AGAP1: variants seen among roughly 807,000 people sequenced by gnomAD.
AGAP1 encodes arf-GAP with GTPase, ANK repeat and PH domain-containing protein 1.
In AGAP1, 29 loss-of-function variants were observed where a neutral mutation model predicts 105.3. That is an observed-to-expected ratio of 0.28 (90% CI 0.21 to 0.38). The LOEUF (loss-of-function observed/expected upper bound fraction) is 0.38, where lower values mean the gene tolerates loss of function less well. AGAP1 is among the 10% of genes least tolerant of loss of function. The pLI is 1.00. For missense variants in AGAP1, 998 were observed against 1,165.1 expected (o/e 0.86, Z 2.09); for synonymous variants, 509 against 485.9 (o/e 1.05, Z -0.63).
chr2:236,030,432 A>G (rs2125637101), intron 13 of AGAP1, among the ~76,000 whole-genome samples: 1 of 152,354 alleles, frequency 6.6e-6, no homozygotes, highest in East Asian at 1.9e-4. Context: ...CCTGTAGAGA[A>G]GATACCAGAA....
At chr2:235,884,239 C>T (rs2050162419) in intron 10 of AGAP1, among the ~76,000 whole-genome samples, 1 of 152,100 alleles carries the variant, frequency 6.6e-6, no homozygotes, top group South Asian at 2.1e-4. Context: ...ATTCTGGGAT[C>T]TGCCTTGTAT....
rs929177109 is a variant in AGAP1 at position 235,665,073 on chromosome 2, A to C, written c.164-44106A>C. Among the ~76,000 whole-genome samples the C allele has an allele frequency of 6.6e-6, 1 of 152,160 alleles. No individual in the cohort carries two copies. Among genetic ancestry groups the C allele is most frequent in the African/African-American group, 2.4e-5 (1 of 41,430 alleles). On this transcript the variant is annotated intron_variant, in intron 1 of 17. Coordinates refer to ENST00000304032, the MANE Select transcript of AGAP1 (RefSeq NM_001037131.3). The surrounding 1 kb of genome is among the most constrained non-coding windows in gnomAD (Gnocchi z 5.3). ...CTCCTCTCTACAAAAAAATTTAAAA[A>C]TTAGCCAGGGGTGGTGACATGTGCC...
intron 3 of AGAP1, 32 bp downstream of exon 3, chr2:235,717,676 A>G (rs530514796): frequency 6.4e-7 from 1 of 1,568,838 alleles, no homozygotes; most frequent in Admixed American, 2.0e-5. Flanking sequence ...TGCAAACTTA[A>G]GAATGTAGTT....
chr2:235,689,942 TTTG>T lies in AGAP1; in HGVS notation c.164-19234_164-19232del, dbSNP rs1453788591. Among the ~76,000 whole-genome samples, 7 of 152,206 alleles carry T rather than the reference TTTG, an allele frequency of 4.6e-5. No homozygotes were observed. Among genetic ancestry groups the T allele is most frequent in the Admixed American group, 2.0e-4 (3 of 15,278 alleles). ...GGTATTTTTTTTTTTAAATACTGCT[TTTG>T]TTTATTTTCCCTGGTCTAATTTTTT... On this transcript the variant is annotated intron_variant, in intron 1 of 17. Transcript: ENST00000304032. The surrounding 1 kb of genome is among the most constrained non-coding windows in gnomAD (Gnocchi z 4.2).
chr2:235,813,111 T>C (rs150714911), intron 9 of AGAP1, among the ~76,000 whole-genome samples: 308 of 152,292 alleles, frequency 2.0e-3, no homozygotes, highest in African/African-American at 7.0e-3. Context: ...GTCCAGAATA[T>C]CTGGAGGCCT....
At position 235,855,719 on chromosome 2, in the gene AGAP1, T is replaced by A. The variant is rs2048659721; in HGVS notation, c.1051-27626T>A. Among the ~76,000 whole-genome samples the A allele has an allele frequency of 6.6e-6, 1 of 151,978 alleles. No homozygotes were observed. The highest frequency in any genetic ancestry group is 1.5e-5 in the Non-Finnish European group (1 of 67,990). The stretch of plus-strand genomic sequence containing the variant: ...CCACTGAATTCAAGTCAGAGGATAT[T>A]TGTTTGAATTGGAGACTGGGTGTTG... On this transcript the variant is annotated intron_variant, in intron 9 of 17. Coordinates refer to ENST00000304032, the MANE Select transcript of AGAP1 (RefSeq NM_001037131.3). The surrounding 1 kb of genome is among the most constrained non-coding windows in gnomAD (Gnocchi z 5.0).
At chr2:235,949,125 T>G (rs2053622370) in intron 12 of AGAP1, among the ~76,000 whole-genome samples, 1 of 152,188 alleles carries the variant, frequency 6.6e-6, no homozygotes, top group Non-Finnish European at 1.5e-5. Flanking sequence ...ATGAGCAGAT[T>G]GGTTTTTGTA....
chr2:235,696,763 C>T (rs1373237436), intron 1 of AGAP1, among the ~76,000 whole-genome samples: 11 of 152,100 alleles, frequency 7.2e-5, no homozygotes, highest in African/African-American at 2.7e-4. Flanking sequence ...TCAGAATGAG[C>T]CCCGTCCCCA....
In AGAP1 at chr2:235,799,654, G is replaced by T. The variant is rs537320978; in HGVS notation, c.957+132G>T. 1.9e-5 allele frequency: 20 copies of T among 1,058,618 alleles called. No homozygotes were observed. Among genetic ancestry groups the T allele is most frequent in the Non-Finnish European group, 2.5e-5 (19 of 759,740 alleles). The allele number at this position is 1,058,618 out of a possible 1,614,324, so 65.6% of individuals were successfully genotyped here. ...ATTAAAGTGAATAACATTGATTTCT[G>T]TGGAGGACTAAGAAAATTAAGAGAA... On this transcript the variant is annotated intron_variant, in intron 8 of 17. Transcript: ENST00000304032. This position sits in a 1 kb window ranked among gnomAD's most constrained non-coding sequence, Gnocchi z 5.0.
rs1393876512 is a variant in AGAP1 at position 235,555,499 on chromosome 2, G to A, written c.163+60650G>A. Among the ~76,000 whole-genome samples the A allele has an allele frequency of 6.6e-6, 1 of 152,192 alleles. No homozygotes were observed. The highest frequency in any genetic ancestry group is 1.5e-5 in the Non-Finnish European group (1 of 68,036). On this transcript the variant is annotated intron_variant, in intron 1 of 17. Coordinates refer to ENST00000304032, the MANE Select transcript of AGAP1 (RefSeq NM_001037131.3). The surrounding 1 kb of genome is among the most constrained non-coding windows in gnomAD (Gnocchi z 5.1). The stretch of plus-strand genomic sequence containing the variant: ...CCAGGGCTGGACTGGGGCCGGCATG[G>A]GGGTCACTGGCTGCAAGCGAAGGCA...
chr2:235,497,709 C>G lies in AGAP1; in HGVS notation c.163+2860C>G, dbSNP rs184082027. On this transcript the variant is annotated intron_variant, in intron 1 of 17. Coordinates refer to ENST00000304032, the MANE Select transcript of AGAP1 (RefSeq NM_001037131.3). ...CCCCGGGTTCACGCCATTCTCCTGC[C>G]TCAGCCTCCCGAGTAGCTGGGACTA... Among the ~76,000 whole-genome samples the G allele has an allele frequency of 4.4e-3, 672 of 152,338 alleles. 4 individuals are homozygous for G. Among genetic ancestry groups the G allele is most frequent in the African/African-American group, 0.015 (623 of 41,586 alleles).
At chr2:236,068,004 G>T (rs1411310965) in intron 16 of AGAP1, among the ~76,000 whole-genome samples, 1 of 152,208 alleles carries the variant, frequency 6.6e-6, no homozygotes, top group Non-Finnish European at 1.5e-5. Flanking sequence ...GGGTGTGGTG[G>T]CTCACACCTG....
At chr2:235,499,539 T>C (rs1941474933) in intron 1 of AGAP1, among the ~76,000 whole-genome samples, 1 of 152,188 alleles carries the variant, frequency 6.6e-6, no homozygotes, top group South Asian at 2.1e-4. Flanking sequence ...TTTTAGTTGC[T>C]TCCAGGTGAG....
rs1188956451 is a variant in AGAP1, at chr2:235,855,909, CATT to C, written c.1051-27423_1051-27421del. Among the ~76,000 whole-genome samples the C allele has an allele frequency of 6.6e-6, 1 of 151,880 alleles. No individual in the cohort carries two copies. The highest frequency in any genetic ancestry group is 1.5e-5 in the Non-Finnish European group (1 of 68,004). On this transcript the variant is annotated intron_variant, in intron 9 of 17. Coordinates refer to ENST00000304032, the MANE Select transcript of AGAP1 (RefSeq NM_001037131.3). The surrounding 1 kb of genome is among the most constrained non-coding windows in gnomAD (Gnocchi z 5.0). ...GAAGTACTGAGAATATTATTATTAT[CATT>C]ATTATTATTATTTTCTTTTGAGATG... is the stretch of plus-strand genomic sequence containing the variant.
intron 1 of AGAP1, among the ~76,000 whole-genome samples, chr2:235,587,876 G>A (rs62189177): frequency 0.025 from 3,875 of 152,110 alleles, 121 homozygotes; most frequent in Admixed American, 0.071. Context: ...CTCCTTCCAC[G>A]CCTGCCCGGT....
chr2:235,749,037 G>A (rs537585814), intron 5 of AGAP1, among the ~76,000 whole-genome samples: 12 of 152,116 alleles, frequency 7.9e-5, no homozygotes, highest in African/African-American at 2.7e-4. Flanking sequence ...GTGAAACCCC[G>A]TGTCGACTAA....
intron 15 of AGAP1, among the ~76,000 whole-genome samples, chr2:236,043,441 T>C (rs2057617315): frequency 1.3e-5 from 2 of 152,194 alleles, no homozygotes; most frequent in Admixed American, 1.3e-4. Flanking sequence ...AAAGACTTAA[T>C]TGAGCCTGGG....
intron 1 of AGAP1, among the ~76,000 whole-genome samples, chr2:235,531,898 C>T (rs1434559641): frequency 2.0e-5 from 3 of 152,066 alleles, no homozygotes; most frequent in Non-Finnish European, 4.4e-5. Context: ...AGACGTGAAC[C>T]CCTGCACCCG....
chr2:235,594,869 C>T (rs1035583343), intron 1 of AGAP1, among the ~76,000 whole-genome samples: 40 of 148,088 alleles, frequency 2.7e-4, no homozygotes, highest in Non-Finnish European at 7.4e-5. Flanking sequence ...CCACTGCGCC[C>T]GGCCCAGATT....
Sources: allele counts gnomAD v4.1 joint callset (sites outside exome capture counted in the v4.1 genomes callset), GRCh38; gene constraint gnomAD v4.1.1; non-coding constraint Gnocchi (gnomAD v3.1); transcripts MANE v1.5; gene names NCBI Gene and HGNC (gene_info 2026-07-23, HGNC 2026-07-21).